Variants in USP32 observed in about 807,000 individuals in gnomAD.
USP32 encodes the protein ubiquitin specific peptidase 32, also known as ubiquitin carboxyl-terminal hydrolase 32.
A neutral mutation model predicts 204.8 loss-of-function variants in USP32; 59 were observed. The ratio of observed to expected loss-of-function variants is 0.29; its 90% CI spans 0.23 to 0.36. USP32 has a LOEUF of 0.36. USP32 is among the 10% of genes least tolerant of loss of function. USP32 has a pLI of 1.00. For missense variants in USP32, 1,160 were observed against 1,946.4 expected (o/e 0.60, Z 7.60); for synonymous variants, 517 against 678.4 (o/e 0.76, Z 3.70).
intron 1 of USP32, among the ~76,000 whole-genome samples, chr17:60,418,745 C>A (rs1345026738): frequency 6.6e-6 from 1 of 151,926 alleles, no homozygotes; most frequent in African/African-American, 2.4e-5. Context: ...TACATGCAAC[C>A]AATAAGCATA....
chr17:60,226,870 C>G (rs1347677316), intron 12 of USP32, among the ~76,000 whole-genome samples: 4 of 151,736 alleles, frequency 2.6e-5, no homozygotes. Flanking sequence ...ATGGTGAAAT[C>G]CCATCTCTAC....
intron 3 of USP32, among the ~76,000 whole-genome samples, chr17:60,300,378 C>T (rs889777634): frequency 4.6e-5 from 7 of 151,498 alleles, no homozygotes; most frequent in Non-Finnish European, 7.4e-5. Context: ...ACGAAACAGA[C>T]GGACACTAAG....
intron 1 of USP32, among the ~76,000 whole-genome samples, chr17:60,356,221 C>T (rs1212225704): frequency 6.6e-6 from 1 of 152,088 alleles, no homozygotes; most frequent in East Asian, 1.9e-4. Context: ...TTCACAGCTG[C>T]CTGAGAAAGC....
At chr17:60,336,314 T>C (rs2088514917) in intron 2 of USP32, among the ~76,000 whole-genome samples, 1 of 143,170 alleles carries the variant, frequency 7.0e-6, no homozygotes, top group African/African-American at 3.0e-5. Flanking sequence ...AAGATAATAA[T>C]GCACATATTT....
chr17:60,292,493 TTC>T (rs1356247931), intron 4 of USP32, among the ~76,000 whole-genome samples: 2 of 152,178 alleles, frequency 1.3e-5, no homozygotes, highest in Admixed American at 6.6e-5. Context: ...TTAGTGGTAA[TTC>T]CATTCATTTA....
chr17:60,315,356 C>T (rs367543545), intron 2 of USP32, among the ~76,000 whole-genome samples: 6 of 152,058 alleles, frequency 3.9e-5, no homozygotes, highest in African/African-American at 9.7e-5. Context: ...GCCGAGATCA[C>T]GCCACTGCAC....
chr17:60,393,583 G>A (rs2089873266), upstream of USP32, among the ~76,000 whole-genome samples: 1 of 152,136 alleles, frequency 6.6e-6, no homozygotes, highest in Admixed American at 6.5e-5. Context: ...TTGGACCCAA[G>A]GTGCCGGTTA....
chr17:60,345,969 G>A (rs1019623149), intron 1 of USP32, among the ~76,000 whole-genome samples: 18 of 151,138 alleles, frequency 1.2e-4, no homozygotes, highest in Admixed American at 5.9e-4. Context: ...ACAACAGAGC[G>A]AAACTCTGTC....
intron 12 of USP32, among the ~76,000 whole-genome samples, chr17:60,228,810 C>T (rs1369765268): frequency 6.6e-6 from 1 of 150,566 alleles, no homozygotes; most frequent in Middle Eastern, 3.2e-3. Flanking sequence ...AGCAACAGAG[C>T]GAGACTCTTT....
intron 5 of USP32, among the ~76,000 whole-genome samples, chr17:60,288,283 T>TA (rs985956378): frequency 1.5e-5 from 2 of 134,024 alleles, no homozygotes; most frequent in Admixed American, 7.4e-5. Flanking sequence ...CTACAAAAGA[T>TA]AAAAAAATTA....
At chr17:60,258,008 G>C (rs949112037) in intron 9 of USP32, 1 of 156,924 alleles carries the variant, frequency 6.4e-6, no homozygotes, top group African/African-American at 2.4e-5. Context: ...AGCTTACTAA[G>C]AGTCTTCCTC....
chr17:60,274,565 G>T (rs758826299), intron 5 of USP32, among the ~76,000 whole-genome samples: 1 of 151,990 alleles, frequency 6.6e-6, no homozygotes, highest in Non-Finnish European at 1.5e-5. Flanking sequence ...AAAGAACTAA[G>T]ATAATAATTT....
chr17:60,206,894 G>T, intron 25 of USP32, 127 bp downstream of exon 25: 1 of 1,445,692 alleles, frequency 6.9e-7, no homozygotes. Flanking sequence ...AATCAGTAAG[G>T]TTTCCCTTGG....
chr17:60,196,336 A>G (rs1321621414), intron 27 of USP32, among the ~76,000 whole-genome samples: 1 of 151,732 alleles, frequency 6.6e-6, no homozygotes, highest in Non-Finnish European at 1.5e-5. Flanking sequence ...CATCCAATTC[A>G]TTAGCAAGTC....
intron 27 of USP32, among the ~76,000 whole-genome samples, chr17:60,197,339 T>A (rs1414404204): frequency 6.6e-6 from 1 of 152,214 alleles, no homozygotes; most frequent in Non-Finnish European, 1.5e-5. Context: ...GTGTGGTGGC[T>A]CACGCCTGTA....
At chr17:60,406,938 T>C (rs2089980571) in intron 1 of USP32, among the ~76,000 whole-genome samples, 1 of 152,180 alleles carries the variant, frequency 6.6e-6, no homozygotes, top group Non-Finnish European at 1.5e-5. Context: ...ATGATGGAGT[T>C]AAAAGGGACC....
At position 60,301,677 on chromosome 17, in the gene USP32, A is replaced by C. The variant is rs1247907269; in HGVS notation, c.214T>G (p.Ser72Ala). ...EVIYCSFGGTSKGLHFNNLIV... is the reference protein window; with the variant it reads ...EVIYCSFGGTAKGLHFNNLIV... ...AAATTATTGAAGTGCAGCCCTTTGG[A>C]TGTTCCACCAAAAGAACAGTAAATC... The change falls in exon 3 of 34, where the codon TCC becomes GCC. Residue 72 changes from serine to alanine, a missense_variant. By Grantham distance (99) the Ser-to-Ala change is moderately conservative. Coordinates refer to ENST00000300896, the MANE Select transcript of USP32 (RefSeq NM_032582.4). The C allele has an allele frequency of 6.2e-7, 1 of 1,601,112 alleles. No individual in the cohort carries two copies. Among genetic ancestry groups the C allele is most frequent in the Non-Finnish European group, 8.5e-7 (1 of 1,176,740 alleles).
At chr17:60,229,086 C>CT (rs1195844285) in intron 12 of USP32, among the ~76,000 whole-genome samples, 1 of 151,850 alleles carries the variant, frequency 6.6e-6, no homozygotes, top group African/African-American at 2.4e-5. Context: ...AGCAAAGGCT[C>CT]TTTTTTTAAT....
intron 3 of USP32, among the ~76,000 whole-genome samples, chr17:60,297,834 G>C (rs2087474357): frequency 6.6e-6 from 1 of 152,116 alleles, no homozygotes. Flanking sequence ...AAGCAATATT[G>C]AAAACAGTTG....
Sources: gnomAD v4.1 joint callset for allele counts (sites outside exome capture counted in the v4.1 genomes callset) on GRCh38, gnomAD v4.1.1 for gene constraint, MANE v1.5 for transcripts, NCBI Gene and HGNC (gene_info 2026-07-23, HGNC 2026-07-21) for gene names.